Variants in ZMYM2 observed in about 807,000 individuals in gnomAD.
The protein encoded by ZMYM2 is zinc finger MYM-type protein 2.
Under a neutral mutation model 162.8 loss-of-function variants are expected in ZMYM2, and 56 were observed. That is an observed-to-expected ratio of 0.34 (90% CI 0.28 to 0.43). ZMYM2 has a LOEUF of 0.43. Among genes scored for constraint, ZMYM2 ranks in the 20% least tolerant of loss-of-function variants. ZMYM2 has a pLI of 1.00. For synonymous variants in ZMYM2, 510 were observed against 541.6 expected (o/e 0.94, Z 0.81); for missense variants, 1,275 against 1,621.8 (o/e 0.79, Z 3.67).
chr13:20,075,996 CT>C (rs933271372), intron 21 of ZMYM2, among the ~76,000 whole-genome samples: 2 of 150,812 alleles, frequency 1.3e-5, no homozygotes, highest in African/African-American at 2.5e-5. Flanking sequence ...ATGCCAGCCA[CT>C]TTTTTTTCTT....
rs56034231 is a variant in ZMYM2 at position 19,968,502 on chromosome 13, T to C, written c.-11+8476T>C. Reference sequence around the variant, plus strand: ...GTCTCGAACTCCTGACCTCAGGTGATCTGCCCACCTTGGCCTCCCAAAGTG... The same window carrying C: ...GTCTCGAACTCCTGACCTCAGGTGACCTGCCCACCTTGGCCTCCCAAAGTG... On this transcript the variant is annotated intron_variant, in intron 2 of 24. Transcript: ENST00000610343. Among the ~76,000 whole-genome samples, 129 of 152,328 alleles carry C rather than the reference T, an allele frequency of 8.5e-4. 1 individual carries two copies. Among genetic ancestry groups the C allele is most frequent in the African/African-American group, 2.8e-3 (116 of 41,580 alleles).
At chr13:19,979,857 C>G (rs576858300) in intron 2 of ZMYM2, among the ~76,000 whole-genome samples, 8 of 152,148 alleles carry the variant, frequency 5.3e-5, no homozygotes, top group Non-Finnish European at 8.8e-5. Context: ...CAGTCAGGTT[C>G]TAGAGATCCA....
At chr13:20,014,818 C>T (rs573624688) in intron 6 of ZMYM2, among the ~76,000 whole-genome samples, 22 of 129,306 alleles carry the variant, frequency 1.7e-4, no homozygotes, top group East Asian at 1.3e-3. Context: ...CAGGCTGGAA[C>T]GCAGTGGCAT....
intron 8 of ZMYM2, 25 bp downstream of exon 8, chr13:20,026,787 T>TA (rs138849093): frequency 0.066 from 102,866 of 1,561,914 alleles, 5,090 homozygotes; most frequent in African/African-American, 0.22. Flanking sequence ...TTTGGACAGT[T>TA]AAAAAAACTT....
At chr13:19,883,900 G>C in the ZMYM2 span, among the ~76,000 whole-genome samples, 1 of 152,132 alleles carries the variant, frequency 6.6e-6, no homozygotes, top group Non-Finnish European at 1.5e-5. Flanking sequence ...GGGATTACAA[G>C]GGCCCACCCC....
rs781717790 is a variant in ZMYM2, at chr13:20,086,035, A to G, written c.*21A>G. 1.1e-5 allele frequency: 17 copies of G among 1,608,856 alleles called. No homozygotes were observed. The East Asian group carries it at 1.6e-4, about 15-fold the overall frequency. On this transcript the variant is annotated 3_prime_UTR_variant, in exon 25 of 25. Transcript: ENST00000610343. ...ACTAAAAAGGAACGTTGCAGAAGCAATCGGGATAAAACAGCATTAGATAGT... is the reference window on the plus strand; with the variant it reads ...ACTAAAAAGGAACGTTGCAGAAGCAGTCGGGATAAAACAGCATTAGATAGT...
chr13:20,072,822 G>A lies in ZMYM2; in HGVS notation c.3453+5432G>A, dbSNP rs140400239. On this transcript the variant is annotated intron_variant, in intron 21 of 24. Coordinates refer to ENST00000610343, the MANE Select transcript of ZMYM2 (RefSeq NM_197968.4). Reference sequence around the variant, plus strand: ...AGAAATGATGCATTTCATCAAAGTCGTCAAATTTGTTAGCCTAAGTTTGGT... The same window carrying A: ...AGAAATGATGCATTTCATCAAAGTCATCAAATTTGTTAGCCTAAGTTTGGT... Among the ~76,000 whole-genome samples the A allele has an allele frequency of 5.3e-5, 8 of 151,896 alleles. No homozygotes were observed. The East Asian group carries it at 1.2e-3, about 22-fold the overall frequency.
At chr13:19,941,927 T>G in the ZMYM2 span, among the ~76,000 whole-genome samples, 1 of 151,782 alleles carries the variant, frequency 6.6e-6, no homozygotes, top group Non-Finnish European at 1.5e-5. Context: ...ATTTATTTTT[T>G]GTAGAGATGG....
chr13:19,963,408 A>G lies in ZMYM2; in HGVS notation c.-11+3382A>G, dbSNP rs186585757. On this transcript the variant is annotated intron_variant, in intron 2 of 24. Transcript: ENST00000610343. ...ATATATAACACTTACAAAGTTGTCA[A>G]TGAGAAAAATTGCTGTTGGATAAAT... 2.6e-5 allele frequency among the ~76,000 whole-genome samples: 4 copies of G among 152,368 alleles called. No homozygotes were observed. In the East Asian group the frequency reaches 7.7e-4, roughly 29 times the overall value.
the ZMYM2 span, among the ~76,000 whole-genome samples, chr13:19,913,657 G>A: frequency 2.6e-5 from 4 of 152,110 alleles, no homozygotes; most frequent in South Asian, 2.1e-4. Flanking sequence ...CCTGGGAGGC[G>A]GAGGCTGCAG....
chr13:19,972,481 T>A (rs1296037119), intron 2 of ZMYM2, among the ~76,000 whole-genome samples: 1 of 152,116 alleles, frequency 6.6e-6, no homozygotes, highest in Non-Finnish European at 1.5e-5. Flanking sequence ...TTTTTTCACT[T>A]AGTGGTATGT....
chr13:19,953,029 C>T, the ZMYM2 span, among the ~76,000 whole-genome samples: 1 of 152,110 alleles, frequency 6.6e-6, no homozygotes, highest in African/African-American at 2.4e-5. Flanking sequence ...TTACTCTCAT[C>T]CTCTCTCAGC....
chr13:19,996,443 A>G (rs1456934653), intron 3 of ZMYM2, among the ~76,000 whole-genome samples: 1 of 151,942 alleles, frequency 6.6e-6, no homozygotes, highest in Non-Finnish European at 1.5e-5. Flanking sequence ...AAAACTAGCC[A>G]GGGCTGGTTG....
At chr13:19,936,461 C>A in the ZMYM2 span, among the ~76,000 whole-genome samples, 2 of 152,170 alleles carry the variant, frequency 1.3e-5, no homozygotes, top group Admixed American at 1.3e-4. Flanking sequence ...GTGGCTCTTG[C>A]CTGTAATCCC....
the ZMYM2 span, among the ~76,000 whole-genome samples, chr13:19,940,518 T>C: frequency 6.6e-6 from 1 of 152,250 alleles, no homozygotes. Context: ...ATTGCTATAT[T>C]AGCCTTCAGG....
chr13:20,032,216 C>A (rs984562946), intron 10 of ZMYM2, among the ~76,000 whole-genome samples: 6 of 152,126 alleles, frequency 3.9e-5, no homozygotes, highest in African/African-American at 1.4e-4. Flanking sequence ...AATCCCACTA[C>A]AAGTTTATTT....
chr13:19,910,626 A>T, the ZMYM2 span, among the ~76,000 whole-genome samples: 2 of 150,778 alleles, frequency 1.3e-5, no homozygotes, highest in Non-Finnish European at 3.0e-5. Context: ...CCCGGGCGTG[A>T]ACCACCGTGC....
chr13:20,085,752 C>A, intron 24 of ZMYM2, 70 bp from the exon 25 acceptor site: 1 of 1,454,902 alleles, frequency 6.9e-7, no homozygotes, highest in Admixed American at 2.3e-5. Context: ...CTGAATTATT[C>A]TTGAAAAAAG....
At chr13:19,906,375 A>ATG in the ZMYM2 span, among the ~76,000 whole-genome samples, 2 of 141,598 alleles carry the variant, frequency 1.4e-5, no homozygotes, top group African/African-American at 2.6e-5. Context: ...GTATATATAT[A>ATG]TGTGTATATA....
Sources: gnomAD v4.1 joint callset for allele counts (sites outside exome capture counted in the v4.1 genomes callset) on GRCh38, gnomAD v4.1.1 for gene constraint, MANE v1.5 for transcripts, NCBI Gene and HGNC (gene_info 2026-07-23, HGNC 2026-07-21) for gene names.